TACC2: variants seen among roughly 807,000 people sequenced by gnomAD.
TACC2 encodes transforming acidic coiled-coil-containing protein 2.
A neutral mutation model predicts 227.3 loss-of-function variants in TACC2; 137 were observed. That is an observed-to-expected ratio of 0.60 (90% CI 0.52 to 0.69). TACC2 has a LOEUF of 0.69. TACC2 is among the 30% of genes least tolerant of loss of function. The pLI is 0.00. For synonymous variants in TACC2, 1,523 were observed against 1,487.5 expected (o/e 1.02, Z -0.55); for missense variants, 3,470 against 3,694.4 (o/e 0.94, Z 1.57).
At chr10:122,242,372 A>G (rs2096015333) in intron 19 of TACC2, among the ~76,000 whole-genome samples, 1 of 152,082 alleles carries the variant, frequency 6.6e-6, no homozygotes, top group African/African-American at 2.4e-5. Context: ...CCTAGACCCT[A>G]ACTTAGTTTA....
intron 1 of TACC2, among the ~76,000 whole-genome samples, chr10:122,012,907 G>A (rs904188300): frequency 2.0e-5 from 3 of 152,100 alleles, no homozygotes; most frequent in African/African-American, 7.2e-5. Flanking sequence ...TGAAGCAGTG[G>A]GCCACGGTGC....
At chr10:122,102,544 C>T (rs1480547360) in intron 5 of TACC2, among the ~76,000 whole-genome samples, 1 of 152,186 alleles carries the variant, frequency 6.6e-6, no homozygotes, top group Non-Finnish European at 1.5e-5. Context: ...TGACTGTCTC[C>T]TAGAGAAAGT....
chr10:122,007,886 G>T (rs1476412910), intron 1 of TACC2, among the ~76,000 whole-genome samples: 2 of 152,094 alleles, frequency 1.3e-5, no homozygotes, highest in African/African-American at 2.4e-5. Context: ...GTCATGATGG[G>T]AGTGGGTTAG....
intron 5 of TACC2, among the ~76,000 whole-genome samples, chr10:122,108,003 C>T (rs909710294): frequency 1.0e-4 from 15 of 150,460 alleles, no homozygotes; most frequent in Admixed American, 4.6e-4. Context: ...GCCATTCTCC[C>T]TCCTCAGCCT....
chr10:122,010,754 G>A (rs964451416), intron 1 of TACC2, among the ~76,000 whole-genome samples: 3 of 152,206 alleles, frequency 2.0e-5, no homozygotes, highest in Non-Finnish European at 2.9e-5. Flanking sequence ...AGGCTGGTGT[G>A]AAGGAAAGGA....
intron 7 of TACC2, among the ~76,000 whole-genome samples, chr10:122,170,561 C>G (rs113737420): frequency 6.6e-6 from 1 of 152,078 alleles, no homozygotes; most frequent in Admixed American, 6.5e-5. Context: ...CTCAGCCTCC[C>G]GAAGTGCTGG....
intron 11 of TACC2, among the ~76,000 whole-genome samples, chr10:122,221,035 C>G (rs1172977611): frequency 6.6e-6 from 1 of 152,188 alleles, no homozygotes; most frequent in Non-Finnish European, 1.5e-5. Context: ...ACTTTCCTAC[C>G]TAGGTCCATA....
At chr10:122,023,874 G>A (rs1457957090) in intron 2 of TACC2, 1 of 151,578 alleles carries the variant, frequency 6.6e-6, no homozygotes. Flanking sequence ...AAGTGCTCTG[G>A]CAAACAGGGA....
At chr10:122,027,900 T>C (rs376288903) in intron 2 of TACC2, among the ~76,000 whole-genome samples, 11 of 151,582 alleles carry the variant, frequency 7.3e-5, no homozygotes, top group Non-Finnish European at 1.6e-4. Context: ...CCTGTCACCA[T>C]GCCCAGCTAA....
intron 22 of TACC2, among the ~76,000 whole-genome samples, chr10:122,252,482 T>G (rs1314766083): frequency 6.8e-6 from 1 of 146,474 alleles, no homozygotes; most frequent in Non-Finnish European, 1.5e-5. Context: ...GCAATGAGAG[T>G]TTTTTTTTTC....
intron 3 of TACC2, among the ~76,000 whole-genome samples, chr10:122,072,483 G>C (rs1470699582): frequency 6.6e-6 from 1 of 152,218 alleles, no homozygotes; most frequent in Non-Finnish European, 1.5e-5. Context: ...GACCATGTGT[G>C]TGGAGTGGAC....
At position 122,081,363 on chromosome 10, in the gene TACC2, C is replaced by CAAA. The variant is rs71976086; in HGVS notation, c.147-1271_147-1269dup. ...TGAGACCCCATCTCTACTAAAACTACAAAAAAAAAAAAAAATTAGCTGGGC... is the reference window on the plus strand; with the variant it reads ...TGAGACCCCATCTCTACTAAAACTACAAAAAAAAAAAAAAAAAATTAGCTGGGC... On this transcript the variant is annotated intron_variant, in intron 3 of 22. Coordinates refer to ENST00000369005, the MANE Select transcript of TACC2 (RefSeq NM_206862.4). Among the ~76,000 whole-genome samples, 22 of 138,806 alleles carry CAAA rather than the reference C, an allele frequency of 1.6e-4. 1 individual carries two copies. Among genetic ancestry groups the CAAA allele is most frequent in the Middle Eastern group, 7.6e-3 (2 of 262 alleles). The allele number at this position is 138,806 out of a possible 152,430, so 91.1% of individuals were successfully genotyped here. A position where few individuals can be genotyped will look rare whatever the true frequency, so the allele number is the denominator to read the frequency against.
chr10:122,107,573 A>T (rs191151639), intron 5 of TACC2, among the ~76,000 whole-genome samples: 281 of 152,090 alleles, frequency 1.8e-3, no homozygotes, highest in African/African-American at 6.4e-3. Flanking sequence ...TGGGTGAGAA[A>T]ATGAGAAGAT....
At chr10:122,058,375 G>A (rs1356857831) in intron 3 of TACC2, among the ~76,000 whole-genome samples, 2 of 152,086 alleles carry the variant, frequency 1.3e-5, no homozygotes, top group African/African-American at 2.4e-5. Context: ...CAGCCTGCGG[G>A]ATGGATGGCC....
intron 3 of TACC2, among the ~76,000 whole-genome samples, chr10:122,071,805 T>C (rs1445065473): frequency 1.3e-5 from 2 of 148,742 alleles, no homozygotes; most frequent in Non-Finnish European, 3.0e-5. Context: ...GAGAAATGCT[T>C]GAACCCAGAA....
chr10:122,208,238 G>C (rs1340038723), intron 8 of TACC2, among the ~76,000 whole-genome samples: 4 of 152,178 alleles, frequency 2.6e-5, no homozygotes, highest in African/African-American at 9.7e-5. Flanking sequence ...TCATAGATGT[G>C]CTTCCAAATG....
chr10:122,085,672 C>T lies in TACC2; in HGVS notation c.3172C>T (p.Pro1058Ser). Residue 1058 changes from proline (P) to serine (S), a missense_variant, in exon 4 of 23, where the codon CCC becomes TCC. This residue lies in a region of TACC2 where 1,924 missense variants were observed against 1,978.3 expected (regional missense o/e 0.97). Coordinates refer to ENST00000369005, the MANE Select transcript of TACC2 (RefSeq NM_206862.4). ...PDSVALLDAV[P>S]CLPALAPASP... The stretch of plus-strand genomic sequence containing the variant: ...CTCAGTAGCTCTCCTGGATGCAGTT[C>T]CCTGCCTGCCAGCCCTGGCGCCCGC... 6.2e-7 allele frequency: 1 copy of T among 1,613,682 alleles called. No individual in the cohort carries two copies.
At position 122,242,018 on chromosome 10, in the gene TACC2, G is replaced by A. The variant is rs753808848; in HGVS notation, c.8392+17G>A. 6.2e-7 allele frequency: 1 copy of A among 1,613,046 alleles called. No individual in the cohort carries two copies. Among genetic ancestry groups the A allele is most frequent in the Non-Finnish European group, 8.5e-7 (1 of 1,179,060 alleles). On this transcript the variant is annotated intron_variant, in intron 19 of 22. Transcript: ENST00000369005. Reference sequence around the variant, plus strand: ...AGATGATAGGTAGGTGTCCTGACCTGCGGGGGCTCAGGCCGGCCCCGATGT... The same window carrying A: ...AGATGATAGGTAGGTGTCCTGACCTACGGGGGCTCAGGCCGGCCCCGATGT...
chr10:122,076,516 A>C (rs1270818397), intron 3 of TACC2, among the ~76,000 whole-genome samples: 2 of 152,188 alleles, frequency 1.3e-5, no homozygotes, highest in East Asian at 3.8e-4. Context: ...AGCAGTGATG[A>C]TGTTATGTTA....
Sources: gnomAD v4.1 joint callset for allele counts (sites outside exome capture counted in the v4.1 genomes callset) on GRCh38, gnomAD v4.1.1 for gene constraint, gnomAD v4.1.1 regional missense constraint, MANE v1.5 for transcripts, NCBI Gene and HGNC (gene_info 2026-07-23, HGNC 2026-07-21) for gene names.